Variants in TRPM3 observed in about 807,000 individuals in gnomAD.
TRPM3 encodes the protein long transient receptor potential channel 3.
TRPM3 carries 77 observed loss-of-function variants against 181.2 expected under a neutral mutation model. That is an observed-to-expected ratio of 0.42 (90% CI 0.35 to 0.51). The LOEUF is 0.51. Among genes scored for constraint, TRPM3 ranks in the 20% least tolerant of loss-of-function variants. TRPM3 has a pLI of 0.01. For missense variants in TRPM3, 1,759 were observed against 2,196.7 expected (o/e 0.80, Z 3.98); for synonymous variants, 745 against 796.4 (o/e 0.94, Z 1.09).
Position 70,625,243 on chromosome 9 carries a change from T to G in TRPM3, c.1757A>C (p.Tyr586Ser). The G allele has an allele frequency of 6.2e-7, 1 of 1,614,124 alleles. No homozygotes were observed. The highest frequency in any genetic ancestry group is 8.5e-7 in the Non-Finnish European group (1 of 1,180,032). ...GAGGGTCCGGAAGCGCTTGCGCGTG[T>G]AGTTGCAGCGATAAGCCCCGCCCAT... is the stretch of plus-strand genomic sequence containing the variant. ...YLMGGAYRCN[Y>S]TRKRFRTLYH... is the part of the protein sequence containing the mutation. The change falls in exon 14 of 26, where the codon TAC (tyrosine) becomes TCC (serine). Residue 586 changes from tyrosine (Y) to serine (S), a missense_variant. Coordinates refer to ENST00000677713, the MANE Select transcript of TRPM3 (RefSeq NM_001366145.2). This position sits in a 1 kb window ranked among gnomAD's most constrained non-coding sequence, Gnocchi z 4.8.
At chr9:70,844,445 C>A (rs1422443314) in intron 4 of TRPM3, among the ~76,000 whole-genome samples, 1 of 150,004 alleles carries the variant, frequency 6.7e-6, no homozygotes, top group South Asian at 2.1e-4. Context: ...AACAAACAAA[C>A]AAACAAACAA....
At chr9:71,365,306 T>A (rs6560200) in intron 1 of TRPM3, among the ~76,000 whole-genome samples, 1 of 151,982 alleles carries the variant, frequency 6.6e-6, no homozygotes, top group African/African-American at 2.4e-5. Context: ...AACCCCAGGC[T>A]GCATGTAAAG....
intron 1 of TRPM3, among the ~76,000 whole-genome samples, chr9:71,419,892 A>C (rs922095180): frequency 6.6e-6 from 1 of 151,970 alleles, no homozygotes; most frequent in Non-Finnish European, 1.5e-5. Context: ...ACCTTGGTTC[A>C]GATACATATC....
intron 1 of TRPM3, among the ~76,000 whole-genome samples, chr9:71,208,907 G>A (rs2202352): frequency 0.43 from 64,946 of 151,940 alleles, 14,275 homozygotes; most frequent in East Asian, 0.52. Flanking sequence ...TTGGAAAACT[G>A]GAACCTAAAA....
chr9:70,819,773 A>G (rs2093009917), intron 6 of TRPM3, among the ~76,000 whole-genome samples: 2 of 152,250 alleles, frequency 1.3e-5, no homozygotes, highest in South Asian at 4.1e-4. Flanking sequence ...TTCTAGCCTC[A>G]TAATGAAATT....
At chr9:71,434,637 T>G (rs1045605367) in intron 1 of TRPM3, among the ~76,000 whole-genome samples, 2 of 152,240 alleles carry the variant, frequency 1.3e-5, no homozygotes, top group Admixed American at 1.3e-4. Context: ...TCAGTTGTAC[T>G]TGCAGTAATT....
At chr9:70,592,264 G>C (rs1374734864) in intron 21 of TRPM3, among the ~76,000 whole-genome samples, 2 of 152,188 alleles carry the variant, frequency 1.3e-5, no homozygotes, top group African/African-American at 4.8e-5. Flanking sequence ...CGGCAAGAGT[G>C]ATAGAAGCAG....
At chr9:70,599,118 A>C (rs1478131312) in intron 20 of TRPM3, among the ~76,000 whole-genome samples, 2 of 152,086 alleles carry the variant, frequency 1.3e-5, no homozygotes, top group East Asian at 3.9e-4. Flanking sequence ...CTAGCCAACT[A>C]CTTCTCACCA....
intron 1 of TRPM3, among the ~76,000 whole-genome samples, chr9:71,192,327 T>C (rs929852421): frequency 6.6e-6 from 1 of 151,794 alleles, no homozygotes; most frequent in Non-Finnish European, 1.5e-5. Flanking sequence ...AGTTTTGCTC[T>C]CTGAAAGCAA....
At chr9:70,783,114 AC>A (rs2082820028) in intron 7 of TRPM3, among the ~76,000 whole-genome samples, 1 of 152,186 alleles carries the variant, frequency 6.6e-6, no homozygotes, top group South Asian at 2.1e-4. Context: ...TTGTCTACTT[AC>A]TAGACTTACT....
At chr9:71,017,757 C>A (rs996837771) in intron 1 of TRPM3, among the ~76,000 whole-genome samples, 1 of 151,598 alleles carries the variant, frequency 6.6e-6, no homozygotes, top group African/African-American at 2.4e-5. Context: ...AAATACATAA[C>A]ACACCTTTCT....
chr9:71,141,334 C>A (rs1047530401), intron 1 of TRPM3, among the ~76,000 whole-genome samples: 7 of 151,992 alleles, frequency 4.6e-5, no homozygotes, highest in African/African-American at 1.7e-4. Flanking sequence ...ACATTTTGAG[C>A]TTTTCAGAAA....
chr9:70,769,375 A>C (rs1404065438), intron 7 of TRPM3, among the ~76,000 whole-genome samples: 1 of 151,704 alleles, frequency 6.6e-6, no homozygotes, highest in East Asian at 1.9e-4. Flanking sequence ...ATCATTTAAA[A>C]CTCAGCTCAA....
chr9:70,874,531 C>A (rs528159789), intron 1 of TRPM3, among the ~76,000 whole-genome samples: 10 of 151,874 alleles, frequency 6.6e-5, no homozygotes, highest in African/African-American at 2.4e-4. Flanking sequence ...ATTATAACTT[C>A]GTTTTCTGTC....
intron 25 of TRPM3, 149 bp downstream of exon 25, chr9:70,549,393 T>C: frequency 2.0e-6 from 2 of 994,122 alleles, no homozygotes; most frequent in South Asian, 2.1e-5. Flanking sequence ...CTTTGGGCAA[T>C]GTTCTGTTCT....
At chr9:70,817,269 T>C (rs2092775041) in intron 6 of TRPM3, among the ~76,000 whole-genome samples, 1 of 152,246 alleles carries the variant, frequency 6.6e-6, no homozygotes, top group Admixed American at 6.5e-5. Context: ...TTCCTCACTG[T>C]GCCTTCGAAA....
chr9:71,425,244 G>A (rs1383260932), intron 1 of TRPM3, among the ~76,000 whole-genome samples: 1 of 151,980 alleles, frequency 6.6e-6, no homozygotes, highest in Non-Finnish European at 1.5e-5. Flanking sequence ...CCCATAAACT[G>A]ATAATACCCA....
chr9:71,105,617 T>C (rs1168580194), intron 1 of TRPM3, among the ~76,000 whole-genome samples: 2 of 152,164 alleles, frequency 1.3e-5, no homozygotes, highest in Admixed American at 6.5e-5. Context: ...TATTGTGTCC[T>C]GGGGTGTAAG....
At chr9:70,778,432 C>G (rs577543096) in intron 7 of TRPM3, among the ~76,000 whole-genome samples, 62 of 152,236 alleles carry the variant, frequency 4.1e-4, no homozygotes, top group African/African-American at 1.4e-3. Flanking sequence ...CAGGCCCATG[C>G]ATATAGTAGG....
Sources: gnomAD v4.1 joint callset for allele counts (sites outside exome capture counted in the v4.1 genomes callset) on GRCh38, gnomAD v4.1.1 for gene constraint, Gnocchi (gnomAD v3.1) non-coding constraint, MANE v1.5 for transcripts, NCBI Gene and HGNC (gene_info 2026-07-23, HGNC 2026-07-21) for gene names.